Variants in UBE3C observed in about 807,000 individuals in gnomAD.
The protein encoded by UBE3C is ubiquitin protein ligase E3C.
A neutral mutation model predicts 129.4 loss-of-function variants in UBE3C; 42 were observed. The observed-to-expected ratio is 0.32, with a 90% confidence interval of 0.25 to 0.42. UBE3C has a LOEUF of 0.42. UBE3C is among the 10% of genes least tolerant of loss of function. The probability of loss-of-function intolerance (pLI) is 1.00; values close to 1 mark genes in which losing one functional copy is unlikely to be tolerated. For synonymous variants in UBE3C, 510 were observed against 492.4 expected, an observed-to-expected ratio of 1.04 and a Z score of -0.47; for missense variants, 1,049 against 1,319.1, an observed-to-expected ratio of 0.80 and a Z score of 3.17.
At chr7:157,265,039 T>C (rs1329421875) in intron 22 of UBE3C, among the ~76,000 whole-genome samples, 1 of 152,260 alleles carries the variant, frequency 6.6e-6, no homozygotes, top group Non-Finnish European at 1.5e-5. Context: ...TTTCTGTTTT[T>C]TAGTTGTTTA....
chr7:157,220,792 C>T lies in UBE3C; in HGVS notation c.2002+16C>T. On this transcript the variant is annotated intron_variant, in intron 15 of 22. Coordinates refer to ENST00000348165, the MANE Select transcript of UBE3C (RefSeq NM_014671.3). ...ACCCTGGACGGTGAGTTCTCTAGGA[C>T]ACAGGGTTACTGAGGTATGAATTAC... is the stretch of plus-strand genomic sequence containing the variant. The T allele has an allele frequency of 6.2e-7, 1 of 1,613,436 alleles. No individual in the cohort carries two copies. Among genetic ancestry groups the T allele is most frequent in the Non-Finnish European group, 8.5e-7 (1 of 1,179,510 alleles).
intron 11 of UBE3C, among the ~76,000 whole-genome samples, chr7:157,204,130 T>C (rs1809363993): frequency 6.6e-6 from 1 of 152,152 alleles, no homozygotes; most frequent in Admixed American, 6.5e-5. Context: ...AGTTGCAAAA[T>C]CCTAAACTGA....
chr7:157,206,503 C>G (rs1809437718), intron 11 of UBE3C, among the ~76,000 whole-genome samples: 1 of 151,486 alleles, frequency 6.6e-6, no homozygotes. Context: ...ACCTTGTGAT[C>G]CACCCACCTC....
intron 18 of UBE3C, among the ~76,000 whole-genome samples, chr7:157,240,040 A>G (rs765008042): frequency 6.6e-6 from 1 of 152,164 alleles, no homozygotes; most frequent in Non-Finnish European, 1.5e-5. Context: ...CTGAATCTGG[A>G]ACTCTAGGGC....
Position 157,183,886 on chromosome 7 carries a change from T to C in UBE3C, c.1000T>C (p.Ser334Pro). 6.2e-7 allele frequency: 1 copy of C among 1,613,208 alleles called. No individual in the cohort carries two copies. The highest frequency in any genetic ancestry group is 8.5e-7 in the Non-Finnish European group (1 of 1,179,426). ...TVGENYLGAL[S>P]EEGLLVYLRV... ...CTGATTGTTTTGCAAAGGGGCCCTC[T>C]CTGAGGAAGGGCTGCTGGTGTATTT... The change falls in exon 9 of 23, where the codon TCT becomes CCT. Residue 334 changes from serine to proline, a missense_variant. Transcript: ENST00000348165.
chr7:157,194,677 A>G (rs1229654906), intron 10 of UBE3C, among the ~76,000 whole-genome samples: 2 of 152,224 alleles, frequency 1.3e-5, no homozygotes, highest in Admixed American at 6.5e-5. Flanking sequence ...CGATTGCGGT[A>G]AAATATCTAA....
In UBE3C at chr7:157,268,667, C is replaced by T. The variant is rs1025850593; in HGVS notation, c.*912C>T. On this transcript the variant is annotated 3_prime_UTR_variant, in exon 23 of 23. Coordinates refer to ENST00000348165, the MANE Select transcript of UBE3C (RefSeq NM_014671.3). ...CCTCCTTTCCCCTGGGCTGCGCCCA[C>T]TTGTCTTCCTGGATATTTGGGGGTG... 2 of 152,730 alleles carry T rather than the reference C, an allele frequency of 1.3e-5. No homozygotes were observed. The highest frequency in any genetic ancestry group is 2.9e-5 in the Non-Finnish European group (2 of 68,080). 9.5% of individuals were successfully genotyped at this position (152,730 alleles called of 1,614,324 possible). A position where few individuals can be genotyped will look rare whatever the true frequency, so the allele number is the denominator to read the frequency against.
At chr7:157,248,252 A>T in intron 18 of UBE3C, 116 bp from the exon 19 acceptor site, 1 of 923,050 alleles carries the variant, frequency 1.1e-6, no homozygotes, top group Non-Finnish European at 1.6e-6. Context: ...CGGTACTATG[A>T]GGAGAAAATA....
chr7:157,171,688 T>TATATA (rs1808379626), intron 4 of UBE3C, among the ~76,000 whole-genome samples: 20 of 4,878 alleles, frequency 4.1e-3, no homozygotes, highest in South Asian at 7.4e-3. Context: ...ATATATATAT[T>TATATA]TTTTTTTTTT....
At chr7:157,188,232 T>C (rs1808864000) in intron 10 of UBE3C, among the ~76,000 whole-genome samples, 1 of 152,272 alleles carries the variant, frequency 6.6e-6, no homozygotes. Context: ...CAGAATTCTC[T>C]TTGTTTTTAT....
rs71189993 is a variant in UBE3C, at chr7:157,264,296, TACACAC to T, written c.3082-3272_3082-3267del. On this transcript the variant is annotated intron_variant, in intron 22 of 22. Coordinates refer to ENST00000348165, the MANE Select transcript of UBE3C (RefSeq NM_014671.3). ...GTGTAAGCCAACATGCTTGGCCTGT[TACACAC>T]ACACACACACACACACCTGGTATTA... is the stretch of plus-strand genomic sequence containing the variant. Among the ~76,000 whole-genome samples the T allele has an allele frequency of 1.9e-3, 208 of 111,936 alleles. 1 individual carries two copies. Among genetic ancestry groups the T allele is most frequent in the East Asian group, 3.8e-3 (14 of 3,648 alleles). 73.4% of individuals were successfully genotyped at this position (111,936 alleles called of 152,430 possible).
Position 157,182,788 on chromosome 7 carries a change from C to T in UBE3C, c.991+460C>T, listed in dbSNP as rs538830565. On this transcript the variant is annotated intron_variant, in intron 8 of 22. Transcript: ENST00000348165. Reference sequence around the variant, plus strand: ...GGGGGTATATAGAGTCTCGCTCTGTCACTAGGCTGGAGTGCAGTGGCTCCA... The same window carrying T: ...GGGGGTATATAGAGTCTCGCTCTGTTACTAGGCTGGAGTGCAGTGGCTCCA... Among the ~76,000 whole-genome samples, 12 of 152,208 alleles carry T rather than the reference C, an allele frequency of 7.9e-5. No individual in the cohort carries two copies. The East Asian group carries it at 2.1e-3, about 27-fold the overall frequency.
chr7:157,214,059 G>T (rs571443291), intron 13 of UBE3C, among the ~76,000 whole-genome samples: 1 of 151,992 alleles, frequency 6.6e-6, no homozygotes, highest in East Asian at 1.9e-4. Flanking sequence ...TAACTCCCTT[G>T]GCTGGACTCA....
chr7:157,202,520 G>A (rs1224446257), intron 11 of UBE3C, among the ~76,000 whole-genome samples: 1 of 152,172 alleles, frequency 6.6e-6, no homozygotes, highest in Non-Finnish European at 1.5e-5. Context: ...AGTCGGGCAT[G>A]GTGGTGCGTG....
intron 1 of UBE3C, among the ~76,000 whole-genome samples, chr7:157,146,021 CTAG>C (rs964891548): frequency 2.0e-5 from 3 of 151,976 alleles, no homozygotes; most frequent in Admixed American, 2.0e-4. Context: ...CTCGTATTTT[CTAG>C]TAGTTTTATA....
At chr7:157,225,296 T>G in intron 16 of UBE3C, 111 bp from the exon 17 acceptor site, 1 of 1,295,156 alleles carries the variant, frequency 7.7e-7, no homozygotes, top group Non-Finnish European at 1.0e-6. Flanking sequence ...CTATTAGCAT[T>G]TATTTCAGAA....
intron 1 of UBE3C, among the ~76,000 whole-genome samples, chr7:157,160,849 T>G (rs114467100): frequency 6.6e-6 from 1 of 152,220 alleles, no homozygotes; most frequent in South Asian, 2.1e-4. Flanking sequence ...AGAGTTTTCT[T>G]TTCCTTGTTT....
chr7:157,256,851 C>T (rs1462939492), intron 21 of UBE3C, 63 bp from the exon 22 acceptor site: 3 of 1,600,844 alleles, frequency 1.9e-6, no homozygotes, highest in Non-Finnish European at 2.6e-6. Context: ...GGACCAATCC[C>T]TGTGGGTCCT....
chr7:157,204,954 A>G (rs3802114), intron 11 of UBE3C, among the ~76,000 whole-genome samples: 1,798 of 151,926 alleles, frequency 0.012, 26 homozygotes, highest in South Asian at 0.047. Flanking sequence ...CAATTTGAAA[A>G]CCCTTGTTCT....
Sources: allele counts gnomAD v4.1 joint callset (sites outside exome capture counted in the v4.1 genomes callset), GRCh38; gene constraint gnomAD v4.1.1; transcripts MANE v1.5; gene names NCBI Gene and HGNC (gene_info 2026-07-23, HGNC 2026-07-21).